Variants in DENND4C observed in about 807,000 individuals in gnomAD.
DENND4C encodes DENN domain containing 4C, also known as DENN domain-containing protein 4C.
DENND4C carries 108 observed loss-of-function variants against 203.0 expected under a neutral mutation model. The ratio of observed to expected loss-of-function variants is 0.53; its 90% CI spans 0.46 to 0.62. The LOEUF (loss-of-function observed/expected upper bound fraction) is 0.62. Among genes scored for constraint, DENND4C ranks in the 20% least tolerant of loss-of-function variants. The pLI is 0.00. For missense variants in DENND4C, 2,481 were observed against 2,301.2 expected, an observed-to-expected ratio of 1.08 and a Z score of -1.60; for synonymous variants, 871 against 792.4, an observed-to-expected ratio of 1.10 and a Z score of -1.67.
chr9:19,352,341 C>A, intron 25 of DENND4C, 149 bp from the exon 26 acceptor site: 1 of 987,406 alleles, frequency 1.0e-6, no homozygotes, highest in Non-Finnish European at 1.5e-6. Context: ...AGACATTGAA[C>A]TGGTAGTTTA....
At chr9:19,368,372 G>A (rs1051198264) in intron 30 of DENND4C, among the ~76,000 whole-genome samples, 1 of 150,458 alleles carries the variant, frequency 6.6e-6, no homozygotes, top group Non-Finnish European at 1.5e-5. Flanking sequence ...AAGACAATCC[G>A]CCTGCCTCAG....
At chr9:19,235,607 A>ATT (rs1554706426) in intron 1 of DENND4C, among the ~76,000 whole-genome samples, 3 of 97,066 alleles carry the variant, frequency 3.1e-5, no homozygotes, top group African/African-American at 3.1e-5. Flanking sequence ...CAGAAGAGTC[A>ATT]TCTTTTTTTT....
intron 1 of DENND4C, among the ~76,000 whole-genome samples, chr9:19,266,544 G>C (rs558462315): frequency 6.6e-6 from 1 of 152,156 alleles, no homozygotes; most frequent in East Asian, 1.9e-4. Context: ...AAAGAACAAA[G>C]CTGGAGGCAT....
At chr9:19,328,461 A>G (rs1818306527) in intron 16 of DENND4C, among the ~76,000 whole-genome samples, 1 of 151,940 alleles carries the variant, frequency 6.6e-6, no homozygotes, top group Non-Finnish European at 1.5e-5. Context: ...AAAAATACAA[A>G]AATTAGCTGG....
intron 30 of DENND4C, among the ~76,000 whole-genome samples, chr9:19,366,948 T>G (rs1827808496): frequency 6.6e-6 from 1 of 152,198 alleles, no homozygotes. Flanking sequence ...TTGCAAATCA[T>G]ATCTTAAAAA....
chr9:19,303,853 AT>A (rs936393431), intron 9 of DENND4C, among the ~76,000 whole-genome samples: 6 of 151,296 alleles, frequency 4.0e-5, no homozygotes, highest in Admixed American at 6.6e-5. Flanking sequence ...TAATTATTAA[AT>A]TTTTTTTTGT....
At chr9:19,367,161 CT>C in intron 30 of DENND4C, among the ~76,000 whole-genome samples, 1 of 152,220 alleles carries the variant, frequency 6.6e-6, no homozygotes, top group Admixed American at 6.5e-5. Flanking sequence ...TTCATACTTA[CT>C]AGGATGGCTA....
In DENND4C at chr9:19,347,098, TTA is replaced by T; in HGVS notation, c.4317+14_4317+15del. On this transcript the variant is annotated intron_variant, in intron 23 of 32. Coordinates refer to ENST00000434457, the MANE Select transcript of DENND4C (RefSeq NM_001330640.2). ...ACTCAGATGATGAGGTAAGAAAGCTTTATGTGTGTAGTCTGTCTGCTATTGGA... is the reference window on the plus strand; with the variant it reads ...ACTCAGATGATGAGGTAAGAAAGCTTTGTGTGTAGTCTGTCTGCTATTGGA... The T allele has an allele frequency of 6.2e-7, 1 of 1,606,198 alleles. No homozygotes were observed. The highest frequency in any genetic ancestry group is 1.1e-5 in the South Asian group (1 of 90,690).
chr9:19,358,185 A>AT lies in DENND4C; in HGVS notation c.5160+27dup, dbSNP rs1301370334. 1 of 1,575,920 alleles carries AT rather than the reference A, an allele frequency of 6.3e-7. No homozygotes were observed. The highest frequency in any genetic ancestry group is 8.7e-7 in the Non-Finnish European group (1 of 1,147,590). ...GGTATGTAACAACAACAACATTGTA[A>AT]TTATACTGCATACACACCTAAGTAT... On this transcript the variant is annotated intron_variant, in intron 28 of 32. Transcript: ENST00000434457. The surrounding 1 kb of genome is among the most constrained non-coding windows in gnomAD (Gnocchi z 4.8).
Position 19,329,772 on chromosome 9 carries a change from G to A in DENND4C, c.2253+1610G>A, listed in dbSNP as rs147922665. 3.6e-3 allele frequency among the ~76,000 whole-genome samples: 549 copies of A among 152,220 alleles called. 3 individuals are homozygous for A. Among genetic ancestry groups the A allele is most frequent in the Non-Finnish European group, 5.4e-3 (370 of 68,012 alleles). ...GAGTAAGAAGTTGTATTTTAAATTT[G>A]CATTTCCCTAATGGCTAATGTAAAT... On this transcript the variant is annotated intron_variant, in intron 16 of 32. Transcript: ENST00000434457.
chr9:19,235,235 G>A (rs1725278257), intron 1 of DENND4C, among the ~76,000 whole-genome samples: 1 of 152,190 alleles, frequency 6.6e-6, no homozygotes, highest in Non-Finnish European at 1.5e-5. Flanking sequence ...AAAGTGCTGG[G>A]ATTACAGGCG....
Position 19,340,490 on chromosome 9 carries a change from G to A in DENND4C, c.2882-502G>A, listed in dbSNP as rs545327515. Among the ~76,000 whole-genome samples, 5 of 152,010 alleles carry A rather than the reference G, an allele frequency of 3.3e-5. No homozygotes were observed. The East Asian group carries it at 9.7e-4, about 29-fold the overall frequency. ...GATTTTATTTTTTTTTTAACATGCA[G>A]AAGTGTATTCTATCTCCAAAGATAA... On this transcript the variant is annotated intron_variant, in intron 20 of 32. Coordinates refer to ENST00000434457, the MANE Select transcript of DENND4C (RefSeq NM_001330640.2).
chr9:19,346,939 A>C lies in DENND4C; in HGVS notation c.4170A>C (p.Val1390=). The change falls in exon 23 of 33, where the codon GTA becomes GTC. Residue 1390 remains valine (V), a synonymous_variant. Coordinates refer to ENST00000434457, the MANE Select transcript of DENND4C (RefSeq NM_001330640.2). ...RSSPHGSLGS[V]VNSLSGLKLD... The stretch of plus-strand genomic sequence containing the variant: ...CGCCACATGGCTCGTTGGGTTCTGT[A>C]GTAAATTCTTTGTCAGGGCTAAAGC... 6.2e-7 allele frequency: 1 copy of C among 1,614,194 alleles called. No individual in the cohort carries two copies. Among genetic ancestry groups the C allele is most frequent in the African/African-American group, 1.3e-5 (1 of 75,050 alleles).
At chr9:19,357,510 G>A (rs1281915223) in intron 27 of DENND4C, 1 of 250,724 alleles carries the variant, frequency 4.0e-6, no homozygotes, top group Admixed American at 5.0e-5. Flanking sequence ...AGACTCTATT[G>A]TATGCTAAAT....
intron 31 of DENND4C, 164 bp from the exon 32 acceptor site, chr9:19,371,592 C>T: frequency 4.7e-6 from 2 of 421,702 alleles, no homozygotes; most frequent in East Asian, 4.9e-5. Flanking sequence ...CCAAATGTGA[C>T]ACCTCATATA....
At chr9:19,365,902 A>G (rs755997649) in intron 30 of DENND4C, among the ~76,000 whole-genome samples, 47 of 152,140 alleles carry the variant, frequency 3.1e-4, no homozygotes, top group Non-Finnish European at 5.7e-4. Flanking sequence ...AAAAACTTAA[A>G]TAATTGTTGA....
At chr9:19,367,478 G>A (rs971319576) in intron 30 of DENND4C, among the ~76,000 whole-genome samples, 1 of 152,274 alleles carries the variant, frequency 6.6e-6, no homozygotes, top group Admixed American at 6.5e-5. Context: ...GCGCACGCCT[G>A]TAATCCCAGC....
At chr9:19,279,987 G>A (rs1049476520) in intron 2 of DENND4C, among the ~76,000 whole-genome samples, 6 of 150,682 alleles carry the variant, frequency 4.0e-5, no homozygotes, top group Non-Finnish European at 7.4e-5. Context: ...GAAGAAATCA[G>A]TGGAGAAGGA....
chr9:19,353,699 G>C lies in DENND4C; in HGVS notation c.4781+1034G>C, dbSNP rs188146887. 1.8e-4 allele frequency among the ~76,000 whole-genome samples: 27 copies of C among 151,338 alleles called. No individual in the cohort carries two copies. In the East Asian group the frequency reaches 4.1e-3, roughly 23 times the overall value. ...TGTAATCCCAGTACTTTGGGAGGCC[G>C]AGGCAGGCAGATCACTTGAGGTCAG... On this transcript the variant is annotated intron_variant, in intron 26 of 32. Transcript: ENST00000434457.
Sources: allele counts gnomAD v4.1 joint callset (sites outside exome capture counted in the v4.1 genomes callset), GRCh38; gene constraint gnomAD v4.1.1; non-coding constraint Gnocchi (gnomAD v3.1); transcripts MANE v1.5; gene names NCBI Gene and HGNC (gene_info 2026-07-23, HGNC 2026-07-21).